Variants in OPHN1 observed in about 807,000 individuals in gnomAD.
The protein encoded by OPHN1 is oligophrenin-1.
A neutral mutation model predicts 60.7 loss-of-function variants in OPHN1; 11 were observed. The observed-to-expected ratio is 0.18, with a 90% CI of 0.11 to 0.30. The LOEUF (loss-of-function observed/expected upper bound fraction) is 0.30, where lower values mean the gene tolerates loss of function less well. OPHN1 is among the 10% of genes least tolerant of loss of function. The pLI is 1.00. For synonymous variants in OPHN1, 226 were observed against 222.6 expected (o/e 1.02, Z -0.14); for missense variants, 449 against 611.0 (o/e 0.73, Z 2.80).
chrX:68,076,801 T>G (rs1450313896), intron 19 of OPHN1, among the ~76,000 whole-genome samples: 1 of 111,704 alleles, frequency 9.0e-6, no homozygotes, highest in Non-Finnish European at 1.9e-5. Context: ...GTATATATGA[T>G]GGAATACTAC....
chrX:68,216,566 G>T (rs2077610298), intron 6 of OPHN1, among the ~76,000 whole-genome samples: 1 of 110,898 alleles, frequency 9.0e-6, no homozygotes, highest in African/African-American at 3.3e-5. Context: ...AATGCTTCTA[G>T]GAATTGGCCT....
chrX:68,422,100 A>C (rs1459067686), intron 2 of OPHN1, among the ~76,000 whole-genome samples: 2 of 111,478 alleles, frequency 1.8e-5, no homozygotes, highest in Non-Finnish European at 3.8e-5. Flanking sequence ...TCAACAGGGA[A>C]ATCACTTGAT....
intron 5 of OPHN1, among the ~76,000 whole-genome samples, chrX:68,270,869 G>A (rs1433891120): frequency 9.0e-6 from 1 of 111,567 alleles, no homozygotes; most frequent in Non-Finnish European, 1.9e-5. Flanking sequence ...AAAGTGAAAT[G>A]AGCCCTAGAC....
intron 2 of OPHN1, among the ~76,000 whole-genome samples, chrX:68,327,845 C>T (rs1403247726): frequency 1.1e-5 from 1 of 89,307 alleles, no homozygotes; most frequent in East Asian, 3.4e-4. Flanking sequence ...TTTTTTGAGA[C>T]GGAGTCTCGC....
At chrX:68,374,650 A>G (rs1301610551) in intron 2 of OPHN1, among the ~76,000 whole-genome samples, 2 of 111,031 alleles carry the variant, frequency 1.8e-5, no homozygotes, top group African/African-American at 6.5e-5. Context: ...AGAAAAGACA[A>G]GCCACCAACT....
intron 4 of OPHN1, 65 bp from the exon 5 acceptor site, chrX:68,274,874 T>C (rs1359719489): frequency 3.6e-6 from 3 of 826,494 alleles, no homozygotes; most frequent in African/African-American, 2.0e-5. Flanking sequence ...ACAAGATTCC[T>C]TGTTACTACA....
intron 20 of OPHN1, among the ~76,000 whole-genome samples, chrX:68,072,319 A>G (rs989736691): frequency 8.9e-6 from 1 of 112,205 alleles, no homozygotes; most frequent in African/African-American, 3.2e-5. Context: ...GATATGTAAA[A>G]CCATGAAATT....
intron 2 of OPHN1, among the ~76,000 whole-genome samples, chrX:68,407,969 G>T (rs1207044941): frequency 8.9e-6 from 1 of 112,149 alleles, no homozygotes; most frequent in Non-Finnish European, 1.9e-5. Context: ...TCTTTTTGTT[G>T]TTGGTGGTGG....
intron 2 of OPHN1, among the ~76,000 whole-genome samples, chrX:68,321,800 C>T (rs941347085): frequency 2.7e-5 from 3 of 109,876 alleles, no homozygotes; most frequent in East Asian, 2.9e-4. Context: ...TGGTGGTGGG[C>T]GCCTATAATT....
intron 6 of OPHN1, among the ~76,000 whole-genome samples, chrX:68,223,002 TACTCC>T (rs1285002725): frequency 9.0e-6 from 1 of 110,860 alleles, no homozygotes; most frequent in Non-Finnish European, 1.9e-5. Context: ...GATACCACCT[TACTCC>T]ACTCAGAAAG....
intron 2 of OPHN1, among the ~76,000 whole-genome samples, chrX:68,426,721 G>T (rs867699524): frequency 3.4e-5 from 1 of 29,319 alleles, no homozygotes; most frequent in Admixed American, 3.9e-4. Flanking sequence ...AAAAAAATTA[G>T]TTAGCTAAGA....
chrX:68,263,121 C>T (rs1299973081), intron 5 of OPHN1, among the ~76,000 whole-genome samples: 1 of 111,744 alleles, frequency 8.9e-6, no homozygotes, highest in Non-Finnish European at 1.9e-5. Flanking sequence ...GAAGTTAATC[C>T]TGCTTGAATA....
intron 2 of OPHN1, among the ~76,000 whole-genome samples, chrX:68,351,206 C>T (rs2078408987): frequency 9.0e-6 from 1 of 111,406 alleles, no homozygotes; most frequent in African/African-American, 3.3e-5. Context: ...GGATTACAGG[C>T]GTGAGCCACC....
At chrX:68,050,947 G>T (rs1367837448) in intron 23 of OPHN1, among the ~76,000 whole-genome samples, 1 of 112,095 alleles carries the variant, frequency 8.9e-6, no homozygotes, top group Admixed American at 9.5e-5. Flanking sequence ...ATCAGTAAGA[G>T]AAATCTGGGG....
chrX:68,273,324 G>A (rs182215193), intron 5 of OPHN1, among the ~76,000 whole-genome samples: 1 of 112,381 alleles, frequency 8.9e-6, no homozygotes, highest in East Asian at 2.8e-4. Flanking sequence ...ACAAGATGCT[G>A]TATTTTAGCC....
At chrX:68,089,932 C>T (rs189648984) in intron 19 of OPHN1, among the ~76,000 whole-genome samples, 5 of 111,766 alleles carry the variant, frequency 4.5e-5, no homozygotes, top group African/African-American at 1.6e-4. Context: ...ATCTCCCAAT[C>T]TTAATAATTC....
At chrX:68,416,032 TAATATA>T (rs2078792576) in intron 2 of OPHN1, among the ~76,000 whole-genome samples, 1 of 27,769 alleles carries the variant, frequency 3.6e-5, no homozygotes, top group African/African-American at 1.3e-4. Flanking sequence ...AAAAATTATA[TAATATA>T]TATATATATA....
chrX:68,221,472 T>A (rs1351205514), intron 6 of OPHN1, among the ~76,000 whole-genome samples: 1 of 71,896 alleles, frequency 1.4e-5, no homozygotes, highest in East Asian at 5.0e-4. Context: ...CATCGCCAAG[T>A]CAATCCTAAG....
chrX:68,271,162 T>A (rs1029802996), intron 5 of OPHN1, among the ~76,000 whole-genome samples: 12 of 111,080 alleles, frequency 1.1e-4, no homozygotes, highest in African/African-American at 3.9e-4. Context: ...AAACTCTATA[T>A]GGTACTCTAA....
Sources: gnomAD v4.1 joint callset for allele counts (sites outside exome capture counted in the v4.1 genomes callset) on GRCh38, gnomAD v4.1.1 for gene constraint, MANE v1.5 for transcripts, NCBI Gene and HGNC (gene_info 2026-07-23, HGNC 2026-07-21) for gene names.